LMBRD1: variants seen among roughly 807,000 people sequenced by gnomAD.
The protein encoded by LMBRD1 is LMBR1 domain containing 1.
LMBRD1 carries 64 observed loss-of-function variants against 74.8 expected under a neutral mutation model. That is an observed-to-expected ratio of 0.86 (90% CI 0.70 to 1.05). LMBRD1 has a LOEUF of 1.05. Among genes scored for constraint, LMBRD1 ranks in the 50% least tolerant of loss-of-function variants. LMBRD1 has a pLI of 0.00. For synonymous variants in LMBRD1, 204 were observed against 216.3 expected (o/e 0.94, Z 0.50); for missense variants, 652 against 645.9 (o/e 1.01, Z -0.10).
chr6:69,697,692 T>A, intron 13 of LMBRD1, 51 bp from the exon 14 acceptor site: 1 of 1,103,926 alleles, frequency 9.1e-7, no homozygotes, highest in Non-Finnish European at 1.4e-6. Flanking sequence ...AATAAATACA[T>A]TTGGATTTAA....
At chr6:69,710,692 G>C (rs1049854413) in intron 9 of LMBRD1, among the ~76,000 whole-genome samples, 12 of 152,052 alleles carry the variant, frequency 7.9e-5, no homozygotes, top group African/African-American at 2.9e-4. Flanking sequence ...ACATTTTACA[G>C]AAAATAGCCA....
chr6:69,744,968 G>C (rs1767187234), intron 5 of LMBRD1, among the ~76,000 whole-genome samples: 1 of 151,722 alleles, frequency 6.6e-6, no homozygotes, highest in Non-Finnish European at 1.5e-5. Flanking sequence ...TCAGCCTCCA[G>C]AGTAGCTAGG....
At chr6:69,686,284 C>A (rs1765762240) in intron 14 of LMBRD1, among the ~76,000 whole-genome samples, 1 of 152,094 alleles carries the variant, frequency 6.6e-6, no homozygotes, top group South Asian at 2.1e-4. Flanking sequence ...AACAGGTTAG[C>A]ATCTTTATTT....
intron 3 of LMBRD1, among the ~76,000 whole-genome samples, chr6:69,769,432 A>C (rs2149887015): frequency 6.6e-6 from 1 of 152,254 alleles, no homozygotes; most frequent in East Asian, 1.9e-4. Context: ...TTGCTGCTTT[A>C]AACTGATTTA....
At chr6:69,676,781 C>T (rs1361121215) in intron 14 of LMBRD1, among the ~76,000 whole-genome samples, 1 of 151,892 alleles carries the variant, frequency 6.6e-6, no homozygotes, top group Non-Finnish European at 1.5e-5. Flanking sequence ...GCCACCAATG[C>T]AATCCAGATC....
At chr6:69,693,513 CA>C (rs1362742049) in intron 14 of LMBRD1, among the ~76,000 whole-genome samples, 2 of 151,954 alleles carry the variant, frequency 1.3e-5, no homozygotes, top group East Asian at 1.9e-4. Context: ...TAACTTTTCT[CA>C]GAAAGAATTT....
intron 3 of LMBRD1, among the ~76,000 whole-genome samples, chr6:69,763,928 G>C (rs946513376): frequency 1.3e-5 from 2 of 152,038 alleles, no homozygotes; most frequent in African/African-American, 2.4e-5. Flanking sequence ...TAACTTATCT[G>C]GTTTTAGAGG....
chr6:69,684,047 T>C (rs917373288), intron 14 of LMBRD1, among the ~76,000 whole-genome samples: 1 of 151,786 alleles, frequency 6.6e-6, no homozygotes, highest in African/African-American at 2.4e-5. Flanking sequence ...ACAATCAACA[T>C]GAGGGAAAAA....
intron 5 of LMBRD1, among the ~76,000 whole-genome samples, chr6:69,747,257 T>TC (rs761261372): frequency 6.6e-5 from 10 of 151,856 alleles, no homozygotes; most frequent in Admixed American, 1.3e-4. Flanking sequence ...ACTCTCCCCC[T>TC]CCCCTTCTCT....
chr6:69,684,080 C>A (rs191718849), intron 14 of LMBRD1, among the ~76,000 whole-genome samples: 9 of 151,920 alleles, frequency 5.9e-5, no homozygotes, highest in African/African-American at 9.6e-5. Flanking sequence ...AACAACTGCA[C>A]TAGGATAACC....
chr6:69,734,057 C>T lies in LMBRD1; in HGVS notation c.636+3885G>A, dbSNP rs1271436019. 2.0e-5 allele frequency among the ~76,000 whole-genome samples: 3 copies of T among 152,224 alleles called. No individual in the cohort carries two copies. In the East Asian group the frequency reaches 5.8e-4, roughly 29 times the overall value. ...AGATGGGAAAGTAGGTCAGGAGGCC[C>T]ATGGACTTGAGATCCACATTTCAGC... On this transcript the variant is annotated intron_variant, in intron 7 of 15. Transcript: ENST00000649934.
chr6:69,760,968 C>G (rs1398957170), intron 3 of LMBRD1, among the ~76,000 whole-genome samples: 1 of 152,196 alleles, frequency 6.6e-6, no homozygotes, highest in Non-Finnish European at 1.5e-5. Flanking sequence ...CACCAGACAT[C>G]TTCCTTGTAG....
At chr6:69,787,054 C>A (rs1046246661) in intron 2 of LMBRD1, among the ~76,000 whole-genome samples, 2 of 152,180 alleles carry the variant, frequency 1.3e-5, no homozygotes, top group African/African-American at 4.8e-5. Flanking sequence ...TTCATCTTTA[C>A]AAACAAGGTT....
At chr6:69,709,499 A>G (rs1766337702) in intron 9 of LMBRD1, among the ~76,000 whole-genome samples, 2 of 152,178 alleles carry the variant, frequency 1.3e-5, no homozygotes, top group African/African-American at 4.8e-5. Flanking sequence ...AAAAATTTAG[A>G]TCAATATTCA....
intron 1 of LMBRD1, 143 bp downstream of exon 1, chr6:69,796,670 C>A (rs1766240291): frequency 4.2e-6 from 3 of 719,232 alleles, no homozygotes; most frequent in African/African-American, 1.8e-5. Flanking sequence ...AAGCCCCCAA[C>A]ACTAAGGAGC....
intron 3 of LMBRD1, among the ~76,000 whole-genome samples, chr6:69,764,476 C>T (rs1765439121): frequency 6.6e-6 from 1 of 152,134 alleles, no homozygotes. Context: ...TTAAGACTCC[C>T]ACTCTATATT....
At position 69,713,696 on chromosome 6, in the gene LMBRD1, G is replaced by A; in HGVS notation, c.864C>T (p.Phe288=). 6.2e-7 allele frequency: 1 copy of A among 1,613,650 alleles called. No individual in the cohort carries two copies. The highest frequency in any genetic ancestry group is 8.5e-7 in the Non-Finnish European group (1 of 1,179,702). The change falls in exon 9 of 16, where the codon TTC becomes TTT. Residue 288 remains phenylalanine, a synonymous_variant. Coordinates refer to ENST00000649934, the MANE Select transcript of LMBRD1 (RefSeq NM_018368.4). ...ATTTTGTCCACCAGCTGTTTTCAATGAATTCTAAATGCCTCTCTCTCTTCT... is the reference window on the plus strand; with the variant it reads ...ATTTTGTCCACCAGCTGTTTTCAATAAATTCTAAATGCCTCTCTCTCTTCT... The part of the protein sequence containing the change: ...TLKKRERHLE[F]IENSWWTKFC...
At chr6:69,788,315 T>C (rs1766002423) in intron 2 of LMBRD1, among the ~76,000 whole-genome samples, 1 of 152,090 alleles carries the variant, frequency 6.6e-6, no homozygotes, top group Non-Finnish European at 1.5e-5. Flanking sequence ...TACATCAGAA[T>C]ACACACATAT....
chr6:69,753,466 G>A (rs1381286636), intron 3 of LMBRD1, among the ~76,000 whole-genome samples: 1 of 152,184 alleles, frequency 6.6e-6, no homozygotes, highest in Non-Finnish European at 1.5e-5. Flanking sequence ...GGAGGAACTG[G>A]AACCCTGTGT....
Sources: allele counts gnomAD v4.1 joint callset (sites outside exome capture counted in the v4.1 genomes callset), GRCh38; gene constraint gnomAD v4.1.1; transcripts MANE v1.5; gene names NCBI Gene and HGNC (gene_info 2026-07-23, HGNC 2026-07-21).